The following NCKAP5 variants were observed in gnomAD, a reference collection of about 807,000 sequenced individuals.
NCKAP5 encodes the protein NCK associated protein 5.
Under a neutral mutation model 167.0 loss-of-function variants are expected in NCKAP5, and 92 were observed. The ratio of observed to expected loss-of-function variants is 0.55; its 90% CI spans 0.47 to 0.66. The LOEUF (loss-of-function observed/expected upper bound fraction) is 0.66. NCKAP5 is among the 30% of genes least tolerant of loss of function. The pLI is 0.00. For synonymous variants in NCKAP5, 891 were observed against 877.4 expected, an observed-to-expected ratio of 1.02 and a Z score of -0.27; for missense variants, 2,378 against 2,315.0, an observed-to-expected ratio of 1.03 and a Z score of -0.56.
At chr2:133,254,048 T>A (rs1474660123) in intron 4 of NCKAP5, among the ~76,000 whole-genome samples, 1 of 152,160 alleles carries the variant, frequency 6.6e-6, no homozygotes, top group Non-Finnish European at 1.5e-5. Flanking sequence ...GCCTAAAAAA[T>A]TTTAGATGAT....
At chr2:132,864,784 A>G (rs1274197875) in intron 10 of NCKAP5, among the ~76,000 whole-genome samples, 1 of 152,166 alleles carries the variant, frequency 6.6e-6, no homozygotes, top group Non-Finnish European at 1.5e-5. Flanking sequence ...AAATGACATG[A>G]TAGTGGTATA....
chr2:132,836,660 G>A (rs1687909463), intron 11 of NCKAP5, among the ~76,000 whole-genome samples: 1 of 152,016 alleles, frequency 6.6e-6, no homozygotes, highest in Non-Finnish European at 1.5e-5. Flanking sequence ...AGTATACACT[G>A]CACCATATAT....
intron 6 of NCKAP5, among the ~76,000 whole-genome samples, chr2:133,028,566 A>G (rs2149414079): frequency 6.6e-6 from 1 of 152,366 alleles, no homozygotes; most frequent in Non-Finnish European, 1.5e-5. Context: ...AATGTAAAAC[A>G]AGGTAGGAGT....
At position 133,046,332 on chromosome 2, in the gene NCKAP5, CAAAT is replaced by C. The variant is rs139507002; in HGVS notation, c.342-52097_342-52094del. On this transcript the variant is annotated intron_variant, in intron 6 of 19. Coordinates refer to ENST00000409261, the MANE Select transcript of NCKAP5 (RefSeq NM_207363.3). Reference sequence around the variant, plus strand: ...CTAAAATAGTTTTAAATTCTTGAAACAAATAGCTCAAAAGGAGAGTCCCTCCAAT... The same window carrying C: ...CTAAAATAGTTTTAAATTCTTGAAACAGCTCAAAAGGAGAGTCCCTCCAAT... Among the ~76,000 whole-genome samples the C allele has an allele frequency of 3.8e-3, 579 of 152,154 alleles. 2 individuals carry two copies. Among genetic ancestry groups the C allele is most frequent in the African/African-American group, 0.013 (522 of 41,538 alleles).
intron 4 of NCKAP5, among the ~76,000 whole-genome samples, chr2:133,281,971 T>C (rs1384770283): frequency 2.0e-5 from 3 of 152,188 alleles, no homozygotes; most frequent in African/African-American, 7.2e-5. Flanking sequence ...GGCCAGAACG[T>C]GTCCCATGAC....
chr2:133,109,261 C>T (rs1221197553), intron 6 of NCKAP5, among the ~76,000 whole-genome samples: 1 of 152,208 alleles, frequency 6.6e-6, no homozygotes, highest in Non-Finnish European at 1.5e-5. Flanking sequence ...TTTGAACTCA[C>T]ATCAGGTGAT....
chr2:133,560,853 T>C (rs1447384304), intron 1 of NCKAP5, among the ~76,000 whole-genome samples: 1 of 152,232 alleles, frequency 6.6e-6, no homozygotes, highest in Non-Finnish European at 1.5e-5. Context: ...GCAGCAAGTA[T>C]AACTTGTGCC....
chr2:132,812,326 C>T (rs921730404), intron 11 of NCKAP5, among the ~76,000 whole-genome samples: 2 of 152,226 alleles, frequency 1.3e-5, no homozygotes, highest in African/African-American at 2.4e-5. Context: ...CTTATTTAAT[C>T]CTTATGGTCA....
chr2:133,040,655 G>C (rs190997502), intron 6 of NCKAP5, among the ~76,000 whole-genome samples: 462 of 152,280 alleles, frequency 3.0e-3, no homozygotes, highest in African/African-American at 0.01. Context: ...TTTCAAAAAT[G>C]AGAGGAAAAA....
chr2:133,537,868 C>T (rs1685881300), intron 2 of NCKAP5, among the ~76,000 whole-genome samples: 1 of 152,130 alleles, frequency 6.6e-6, no homozygotes, highest in African/African-American at 2.4e-5. Context: ...CTTTCACCAG[C>T]ACTCATTAAA....
intron 3 of NCKAP5, among the ~76,000 whole-genome samples, chr2:133,422,588 A>G (rs1006696951): frequency 6.6e-6 from 1 of 152,214 alleles, no homozygotes; most frequent in Non-Finnish European, 1.5e-5. Context: ...GGTCAAAGGA[A>G]TTAATCTGGT....
rs1342756858 is a variant in NCKAP5 at position 133,453,853 on chromosome 2, A to C, written c.69+63605T>G. Among the ~76,000 whole-genome samples the C allele has an allele frequency of 2.0e-5, 3 of 152,042 alleles. No homozygotes were observed. In the East Asian group the frequency reaches 5.8e-4, roughly 29 times the overall value. On this transcript the variant is annotated intron_variant, in intron 3 of 19. Coordinates refer to ENST00000409261, the MANE Select transcript of NCKAP5 (RefSeq NM_207363.3). ...CAGAAACATTAATGATAGATTTGCA[A>C]AAAATTAAGTTGAAAACAAGAAAGA...
intron 3 of NCKAP5, among the ~76,000 whole-genome samples, chr2:133,438,521 T>G (rs1690638985): frequency 6.6e-6 from 1 of 152,202 alleles, no homozygotes; most frequent in Non-Finnish European, 1.5e-5. Context: ...TGTAGATAAC[T>G]TCGCATAAAG....
intron 11 of NCKAP5, among the ~76,000 whole-genome samples, chr2:132,821,382 C>G (rs1000830802): frequency 6.6e-6 from 1 of 151,094 alleles, no homozygotes; most frequent in Non-Finnish European, 1.5e-5. Context: ...GAACGCACTC[C>G]CAGCTTCTAG....
At chr2:132,921,160 T>C (rs1175487208) in intron 8 of NCKAP5, among the ~76,000 whole-genome samples, 1 of 152,056 alleles carries the variant, frequency 6.6e-6, no homozygotes, top group Non-Finnish European at 1.5e-5. Flanking sequence ...CCTAGGTTGA[T>C]GAATCCTCAA....
intron 3 of NCKAP5, among the ~76,000 whole-genome samples, chr2:133,313,996 G>C (rs1235411717): frequency 6.6e-6 from 1 of 152,144 alleles, no homozygotes; most frequent in East Asian, 1.9e-4. Context: ...TGTACTTTCA[G>C]ACATTTCCTT....
chr2:133,210,103 C>T (rs578197008), intron 5 of NCKAP5, among the ~76,000 whole-genome samples: 3 of 151,352 alleles, frequency 2.0e-5, no homozygotes, highest in East Asian at 1.9e-4. Context: ...AGGCAGAGGT[C>T]GCAGTGAGCC....
intron 11 of NCKAP5, among the ~76,000 whole-genome samples, chr2:132,797,873 G>C (rs999392972): frequency 2.6e-5 from 4 of 152,162 alleles, no homozygotes; most frequent in Non-Finnish European, 5.9e-5. Flanking sequence ...ACTTCTGTGA[G>C]AGCCCTGAGT....
chr2:132,757,892 G>C (rs1559017440), intron 16 of NCKAP5, among the ~76,000 whole-genome samples: 3 of 152,158 alleles, frequency 2.0e-5, no homozygotes. Context: ...GTGACCTTTT[G>C]ACATCATAGC....
Sources: allele counts gnomAD v4.1 joint callset (sites outside exome capture counted in the v4.1 genomes callset), GRCh38; gene constraint gnomAD v4.1.1; transcripts MANE v1.5; gene names NCBI Gene and HGNC (gene_info 2026-07-23, HGNC 2026-07-21).